EYA3: variants seen among roughly 807,000 people sequenced by gnomAD.
EYA3 encodes the protein EYA transcriptional coactivator and phosphatase 3, also known as protein phosphatase EYA3.
Under a neutral mutation model 80.0 loss-of-function variants are expected in EYA3, and 39 were observed. The ratio of observed to expected loss-of-function variants is 0.49; its 90% CI spans 0.38 to 0.64. The LOEUF (loss-of-function observed/expected upper bound fraction) is 0.64, where lower values mean the gene tolerates loss of function less well. EYA3 is among the 30% of genes least tolerant of loss of function. The pLI is 0.00. For synonymous variants in EYA3, 206 were observed against 232.8 expected (o/e 0.88, Z 1.05); for missense variants, 523 against 676.1 (o/e 0.77, Z 2.51).
chr1:28,087,781 CAG>C (rs1463591976), intron 1 of EYA3, among the ~76,000 whole-genome samples: 3 of 152,248 alleles, frequency 2.0e-5, no homozygotes, highest in Non-Finnish European at 4.4e-5. Context: ...CAACTGCTAG[CAG>C]TACCGTGTGC....
chr1:28,029,899 A>C (rs1643027595), intron 6 of EYA3, among the ~76,000 whole-genome samples: 3 of 152,040 alleles, frequency 2.0e-5, no homozygotes, highest in Admixed American at 2.0e-4. Context: ...CAGGCCCCAA[A>C]AATCTTAATG....
chr1:28,066,107 G>A (rs1456086208), intron 1 of EYA3, among the ~76,000 whole-genome samples: 2 of 152,218 alleles, frequency 1.3e-5, no homozygotes, highest in African/African-American at 2.4e-5. Flanking sequence ...AGTAACAGGC[G>A]GGAAGTGTCT....
intron 1 of EYA3, among the ~76,000 whole-genome samples, chr1:28,086,831 G>T (rs1645674290): frequency 6.6e-6 from 1 of 152,188 alleles, no homozygotes; most frequent in Non-Finnish European, 1.5e-5. Flanking sequence ...GCTTCACTTA[G>T]CAGTTAGATA....
chr1:28,005,693 C>G (rs963498011), intron 10 of EYA3, among the ~76,000 whole-genome samples: 2 of 151,510 alleles, frequency 1.3e-5, no homozygotes, highest in Non-Finnish European at 2.9e-5. Flanking sequence ...CCAGTCTGGG[C>G]AACGAAGTGA....
At chr1:27,998,917 C>T (rs558279079) in intron 12 of EYA3, among the ~76,000 whole-genome samples, 2 of 152,034 alleles carry the variant, frequency 1.3e-5, no homozygotes, top group Non-Finnish European at 2.9e-5. Context: ...TACAGGTGTG[C>T]GCCACCATGC....
At chr1:28,006,281 CA>C (rs1709407057) in intron 10 of EYA3, among the ~76,000 whole-genome samples, 1 of 152,082 alleles carries the variant, frequency 6.6e-6, no homozygotes, top group Non-Finnish European at 1.5e-5. Flanking sequence ...GAAAAAGCTA[CA>C]TGATAATCTC....
At chr1:28,033,131 C>G (rs2148839479) in intron 6 of EYA3, among the ~76,000 whole-genome samples, 1 of 152,160 alleles carries the variant, frequency 6.6e-6, no homozygotes, top group South Asian at 2.1e-4. Context: ...GCCCTATTTG[C>G]ATCTGAAATA....
intron 7 of EYA3, among the ~76,000 whole-genome samples, chr1:28,026,761 A>G (rs930009134): frequency 1.0e-5 from 1 of 99,058 alleles, no homozygotes; most frequent in Non-Finnish European, 2.6e-5. Context: ...ACAAGGGGAG[A>G]AAAAAAAAAA....
At chr1:28,069,203 T>C (rs991211162) in intron 1 of EYA3, among the ~76,000 whole-genome samples, 16 of 151,998 alleles carry the variant, frequency 1.1e-4, no homozygotes, top group Non-Finnish European at 1.5e-5. Flanking sequence ...CTCCACCTCC[T>C]GGGTTCAAGC....
chr1:27,975,487 A>ATT (rs35806831), intron 17 of EYA3, among the ~76,000 whole-genome samples: 1 of 133,648 alleles, frequency 7.5e-6, no homozygotes, highest in Non-Finnish European at 1.6e-5. Flanking sequence ...TGGAGGCCAT[A>ATT]TTTTTTTTTT....
intron 6 of EYA3, 80 bp from the exon 7 acceptor site, chr1:28,028,006 T>A: frequency 8.7e-6 from 13 of 1,490,676 alleles, no homozygotes; most frequent in Non-Finnish European, 1.1e-5. Context: ...TATCAGCCAG[T>A]AGGTTTAAAA....
intron 3 of EYA3, among the ~76,000 whole-genome samples, chr1:28,048,164 G>A (rs1261631444): frequency 1.3e-5 from 2 of 151,912 alleles, no homozygotes; most frequent in Non-Finnish European, 2.9e-5. Flanking sequence ...ACATATTGTT[G>A]AATAAATAAT....
chr1:28,082,410 A>G (rs1645461416), intron 1 of EYA3, among the ~76,000 whole-genome samples: 1 of 152,184 alleles, frequency 6.6e-6, no homozygotes, highest in Admixed American at 6.5e-5. Context: ...TCATCTTAAT[A>G]TGATCAATAA....
chr1:28,048,600 T>C (rs1438589587), intron 2 of EYA3, among the ~76,000 whole-genome samples, 174 bp from the exon 3 acceptor site: 1 of 152,170 alleles, frequency 6.6e-6, no homozygotes, highest in Non-Finnish European at 1.5e-5. Flanking sequence ...GTTTTTTAAA[T>C]GGAGCTCTTC....
chr1:28,072,286 C>A (rs1258652861), intron 1 of EYA3, among the ~76,000 whole-genome samples: 1 of 151,904 alleles, frequency 6.6e-6, no homozygotes, highest in Non-Finnish European at 1.5e-5. Context: ...TGAATTGGAT[C>A]CTTGAGTAGA....
At chr1:28,063,352 CTTTTTTT>C (rs371840536) in intron 1 of EYA3, among the ~76,000 whole-genome samples, 1 of 93,550 alleles carries the variant, frequency 1.1e-5, no homozygotes, top group Non-Finnish European at 2.0e-5. Flanking sequence ...TAACTAAAAC[CTTTTTTT>C]TTTTTTTTTT....
intron 2 of EYA3, among the ~76,000 whole-genome samples, chr1:28,056,918 T>C (rs1384229409): frequency 6.6e-6 from 1 of 152,212 alleles, no homozygotes; most frequent in Admixed American, 6.5e-5. Flanking sequence ...TTCAGCTATT[T>C]GTTCCAGTAG....
chr1:28,061,256 T>G (rs1644613611), intron 1 of EYA3, among the ~76,000 whole-genome samples: 1 of 152,160 alleles, frequency 6.6e-6, no homozygotes, highest in African/African-American at 2.4e-5. Context: ...TACCAAAACA[T>G]TCATCTAAAT....
rs1640533351 is a variant in EYA3, at chr1:27,997,369, G to A, written c.1093C>T (p.Gln365Ter). ...GAAGCCACATCTTCCACATGTACCT[G>A]GTCACACTCCTGTTAAAAGACAAAA... Reference protein sequence around the residue: ...LFFNDLEECDQVHVEDVASDD... With the variant: ...LFFNDLEECD The change falls in exon 13 of 18, where the codon CAG (glutamine) becomes TAG (stop). Residue 365 changes from glutamine (Q) to a stop codon, truncating the protein, a stop_gained. Transcript: ENST00000373871. LOFTEE classifies it high-confidence loss of function. The A allele has an allele frequency of 6.2e-7, 1 of 1,613,930 alleles. No individual in the cohort carries two copies. The highest frequency in any genetic ancestry group is 1.3e-5 in the African/African-American group (1 of 75,012).
Sources: allele counts gnomAD v4.1 joint callset (sites outside exome capture counted in the v4.1 genomes callset), GRCh38; gene constraint gnomAD v4.1.1; transcripts MANE v1.5; gene names NCBI Gene and HGNC (gene_info 2026-07-23, HGNC 2026-07-21).